Variants in TBC1D16 observed in about 807,000 individuals in gnomAD.
The protein encoded by TBC1D16 is CTD-2529O21.1.
A neutral mutation model predicts 74.7 loss-of-function variants in TBC1D16; 58 were observed. The ratio of observed to expected loss-of-function variants is 0.78; its 90% CI spans 0.63 to 0.97. The LOEUF (loss-of-function observed/expected upper bound fraction) is 0.97, where lower values mean the gene tolerates loss of function less well. Among genes scored for constraint, TBC1D16 ranks in the 50% least tolerant of loss-of-function variants. The pLI is 0.00. For missense variants in TBC1D16, 1,014 were observed against 1,079.5 expected (o/e 0.94, Z 0.85); for synonymous variants, 493 against 474.7 (o/e 1.04, Z -0.50).
At position 79,941,991 on chromosome 17, in the gene TBC1D16, G is replaced by C; in HGVS notation, c.2055+69C>G. Reference sequence around the variant, plus strand: ...ACATCTGGGGCAGCCTCACCTTTCTGAGAACGAGCTGGTGGGGTGGGGCTT... The same window carrying C: ...ACATCTGGGGCAGCCTCACCTTTCTCAGAACGAGCTGGTGGGGTGGGGCTT... On this transcript the variant is annotated intron_variant, in intron 11 of 11. Transcript: ENST00000310924. The surrounding 1 kb of genome is among the most constrained non-coding windows in gnomAD (Gnocchi z 4.3). 1 of 1,420,456 alleles carries C rather than the reference G, an allele frequency of 7.0e-7. No individual in the cohort carries two copies. The highest frequency in any genetic ancestry group is 9.4e-7 in the Non-Finnish European group (1 of 1,064,206). The allele number at this position is 1,420,456 out of a possible 1,614,324, so 88.0% of individuals were successfully genotyped here. A position where few individuals can be genotyped will look rare whatever the true frequency, so the allele number is the denominator to read the frequency against.
intron 3 of TBC1D16, among the ~76,000 whole-genome samples, chr17:79,958,196 G>C (rs1598348544): frequency 6.7e-6 from 1 of 149,688 alleles, no homozygotes; most frequent in East Asian, 2.0e-4. Flanking sequence ...CTCAGGGGGA[G>C]AAAGAATATA....
Position 79,994,715 on chromosome 17 carries a change from C to T in TBC1D16, c.779+15445G>A, listed in dbSNP as rs991763030. On this transcript the variant is annotated intron_variant, in intron 3 of 11. Transcript: ENST00000310924. This position sits in a 1 kb window ranked among gnomAD's most constrained non-coding sequence, Gnocchi z 4.6. ...CTGGGATTACAGGCGTGAGCCATTGCGCCCGGCCGAGAATGTTTTTTCAAA... is the reference window on the plus strand; with the variant it reads ...CTGGGATTACAGGCGTGAGCCATTGTGCCCGGCCGAGAATGTTTTTTCAAA... Among the ~76,000 whole-genome samples, 1 of 152,152 alleles carries T rather than the reference C, an allele frequency of 6.6e-6. No individual in the cohort carries two copies.
chr17:79,960,807 A>AAAAAAAAAAAAAAAAAAC (rs2033574287), intron 3 of TBC1D16, among the ~76,000 whole-genome samples: 1 of 141,622 alleles, frequency 7.1e-6, no homozygotes, highest in African/African-American at 2.7e-5. Flanking sequence ...AAAAAAAAAA[A>AAAAAAAAAAAAAAAAAAC]AACGAAGGAA....
chr17:79,986,872 A>G lies in TBC1D16; in HGVS notation c.779+23288T>C, dbSNP rs539045169. 2.4e-3 allele frequency among the ~76,000 whole-genome samples: 373 copies of G among 152,348 alleles called. 2 individuals carry two copies. Among genetic ancestry groups the G allele is most frequent in the African/African-American group, 8.5e-3 (354 of 41,582 alleles). ...CCGGGCCGGTGGGAGGGCGTGATGC[A>G]TGGGAGGAGCTGGACTGCGGTCAGC... On this transcript the variant is annotated intron_variant, in intron 3 of 11. Coordinates refer to ENST00000310924, the MANE Select transcript of TBC1D16 (RefSeq NM_019020.4). The surrounding 1 kb of genome is among the most constrained non-coding windows in gnomAD (Gnocchi z 6.0).
intron 1 of TBC1D16, among the ~76,000 whole-genome samples, chr17:80,034,471 GGATTACA>G (rs1044372867): frequency 6.6e-6 from 1 of 152,038 alleles, no homozygotes; most frequent in African/African-American, 2.4e-5. Flanking sequence ...CAAAGTGCTG[GGATTACA>G]GCCGTGAGCC....
intron 3 of TBC1D16, among the ~76,000 whole-genome samples, chr17:79,966,544 C>G (rs886907104): frequency 1.3e-5 from 2 of 152,158 alleles, no homozygotes; most frequent in Non-Finnish European, 2.9e-5. Flanking sequence ...TCCAAGGCCC[C>G]GCTCAAACAC....
At chr17:80,023,104 C>G (rs1052367885) in intron 1 of TBC1D16, among the ~76,000 whole-genome samples, 4 of 150,218 alleles carry the variant, frequency 2.7e-5, no homozygotes, top group Non-Finnish European at 5.9e-5. Context: ...TACTATCACA[C>G]GCTCTGGTGA....
intron 1 of TBC1D16, among the ~76,000 whole-genome samples, chr17:80,031,499 C>T (rs1232793455): frequency 6.6e-6 from 1 of 152,114 alleles, no homozygotes; most frequent in African/African-American, 2.4e-5. Flanking sequence ...GGGGCAGGAC[C>T]ATCACCAAAA....
intron 3 of TBC1D16, among the ~76,000 whole-genome samples, chr17:79,957,625 G>T (rs7223484): frequency 0.65 from 99,271 of 151,912 alleles, 33,388 homozygotes; most frequent in African/African-American, 0.82. Flanking sequence ...CACGGTGACA[G>T]GTGTCTTTAT....
chr17:80,031,003 C>A (rs1215745133), intron 1 of TBC1D16, among the ~76,000 whole-genome samples: 2 of 152,230 alleles, frequency 1.3e-5, no homozygotes, highest in Non-Finnish European at 2.9e-5. Context: ...GATCGCGTTG[C>A]CCCCGCTGCA....
At chr17:80,017,042 A>G (rs940398242) in intron 1 of TBC1D16, among the ~76,000 whole-genome samples, 1 of 151,854 alleles carries the variant, frequency 6.6e-6, no homozygotes, top group Non-Finnish European at 1.5e-5. Context: ...CCTGATCTCA[A>G]CCGTCTCCAG....
chr17:79,970,964 G>C (rs1170956332), intron 3 of TBC1D16, among the ~76,000 whole-genome samples: 1 of 150,750 alleles, frequency 6.6e-6, no homozygotes. Context: ...CCCAGTGTGG[G>C]AATGGAAGTG....
At chr17:80,004,788 C>G (rs1180402214) in intron 3 of TBC1D16, among the ~76,000 whole-genome samples, 2 of 152,174 alleles carry the variant, frequency 1.3e-5, no homozygotes, top group East Asian at 3.9e-4. Context: ...GATTCTCGTG[C>G]CTGAGCTTCC....
At chr17:80,019,487 T>G (rs1450359354) in intron 1 of TBC1D16, among the ~76,000 whole-genome samples, 1 of 145,024 alleles carries the variant, frequency 6.9e-6, no homozygotes, top group Non-Finnish European at 1.5e-5. Context: ...GGGCTCTTTT[T>G]GGAGAAATGG....
Position 79,988,417 on chromosome 17 carries a change from G to C in TBC1D16, c.779+21743C>G, listed in dbSNP as rs2034927016. 6.6e-6 allele frequency among the ~76,000 whole-genome samples: 1 copy of C among 152,266 alleles called. No individual in the cohort carries two copies. The highest frequency in any genetic ancestry group is 2.1e-4 in the South Asian group (1 of 4,838). On this transcript the variant is annotated intron_variant, in intron 3 of 11. Transcript: ENST00000310924. This position sits in a 1 kb window ranked among gnomAD's most constrained non-coding sequence, Gnocchi z 5.7. Reference sequence around the variant, plus strand: ...CCTTTTGTCGACTGTAGAGAGCTATGAGTCAGGTCCAAGCTCCACTGGGCG... The same window carrying C: ...CCTTTTGTCGACTGTAGAGAGCTATCAGTCAGGTCCAAGCTCCACTGGGCG...
chr17:80,019,622 T>C (rs2036217964), intron 1 of TBC1D16, among the ~76,000 whole-genome samples: 1 of 150,088 alleles, frequency 6.7e-6, no homozygotes, highest in Non-Finnish European at 1.5e-5. Flanking sequence ...TCCCAACCTC[T>C]GGTCACCAGC....
chr17:79,942,727 T>C (rs2032135228), intron 10 of TBC1D16, among the ~76,000 whole-genome samples: 3 of 152,136 alleles, frequency 2.0e-5, no homozygotes, highest in Admixed American at 6.5e-5. Flanking sequence ...CCCCCAATCA[T>C]GCCCCAGAGA....
chr17:79,965,604 G>A (rs769519873), intron 3 of TBC1D16, among the ~76,000 whole-genome samples: 6 of 152,228 alleles, frequency 3.9e-5, no homozygotes, highest in Admixed American at 3.3e-4. Context: ...TAAGGAGACC[G>A]AGGCCAGGAA....
At position 79,994,974 on chromosome 17, in the gene TBC1D16, G is replaced by C. The variant is rs981471608; in HGVS notation, c.779+15186C>G. Among the ~76,000 whole-genome samples, 1 of 152,176 alleles carries C rather than the reference G, an allele frequency of 6.6e-6. No homozygotes were observed. The highest frequency in any genetic ancestry group is 2.4e-5 in the African/African-American group (1 of 41,444). ...AATTTACAAAAATTTTCACCTTTTT[G>C]TTTGTTTTCTTTTTGTTTTTTGACT... On this transcript the variant is annotated intron_variant, in intron 3 of 11. Coordinates refer to ENST00000310924, the MANE Select transcript of TBC1D16 (RefSeq NM_019020.4). This position sits in a 1 kb window ranked among gnomAD's most constrained non-coding sequence, Gnocchi z 4.6.
Sources: allele counts gnomAD v4.1 joint callset (sites outside exome capture counted in the v4.1 genomes callset), GRCh38; gene constraint gnomAD v4.1.1; non-coding constraint Gnocchi (gnomAD v3.1); transcripts MANE v1.5; gene names NCBI Gene and HGNC (gene_info 2026-07-23, HGNC 2026-07-21).